ENTR1: variants seen among roughly 807,000 people sequenced by gnomAD.
ENTR1 encodes the protein endosome-associated-trafficking regulator 1.
Under a neutral mutation model 47.9 loss-of-function variants are expected in ENTR1, and 47 were observed. That is an observed-to-expected ratio of 0.98 (90% CI 0.78 to 1.25). The LOEUF (loss-of-function observed/expected upper bound fraction) is 1.25, where lower values mean the gene tolerates loss of function less well. Among genes scored for constraint, ENTR1 ranks in the 50% most tolerant of loss-of-function variants. The pLI is 0.00. For missense variants in ENTR1, 668 were observed against 570.5 expected, an observed-to-expected ratio of 1.17 and a Z score of -1.74; for synonymous variants, 290 against 245.8, an observed-to-expected ratio of 1.18 and a Z score of -1.68.
intron 7 of ENTR1, 62 bp from the exon 8 acceptor site, chr9:136,404,755 C>T (rs913873172): frequency 1.9e-6 from 3 of 1,572,970 alleles, no homozygotes; most frequent in African/African-American, 1.4e-5. Context: ...TCATACCGGA[C>T]ACGGGCCCCA....
rs1834531776 is a variant in ENTR1, at chr9:136,402,474, A to G, written c.*314T>C. ...ATGTTCTGGGATGGGACTGGAAAAC[A>G]TTGATTCCAGAACCACTCTTTTTCT... On this transcript the variant is annotated 3_prime_UTR_variant, in exon 10 of 10. Coordinates refer to ENST00000357365, the MANE Select transcript of ENTR1 (RefSeq NM_001039707.2). 4.3e-6 allele frequency: 1 copy of G among 233,432 alleles called. No homozygotes were observed. Among genetic ancestry groups the G allele is most frequent in the Non-Finnish European group, 8.3e-6 (1 of 120,640 alleles). The allele number at this position is 233,432 out of a possible 1,614,324, so 14.5% of individuals were successfully genotyped here.
chr9:136,402,887 C>G lies in ENTR1; in HGVS notation c.1209G>C (p.Lys403Asn). 6.2e-7 allele frequency: 1 copy of G among 1,610,036 alleles called. No individual in the cohort carries two copies. Among genetic ancestry groups the G allele is most frequent in the Non-Finnish European group, 8.5e-7 (1 of 1,179,022 alleles). Residue 403 changes from lysine to asparagine, a missense_variant and splice_region_variant, in exon 10 of 10, where the codon AAG becomes AAC. Transcript: ENST00000357365. ...GTGTCTCAGCTCCGGAAACCAGTTG[C>G]CTGAAAACAAGCATGGATATCAGGA... ...VVMNSAQASI[K>N]QLVSGAETLN...
At chr9:136,402,914 G>A (rs771310282) in intron 9 of ENTR1, 27 bp from the exon 10 acceptor site, 3 of 1,579,952 alleles carry the variant, frequency 1.9e-6, no homozygotes, top group Admixed American at 3.4e-5. Context: ...ATATCAGGAT[G>A]GGTGGCAGCA....
In ENTR1 at chr9:136,410,605, C is replaced by T. The variant is rs1564416339; in HGVS notation, c.-208G>A. 2.3e-6 allele frequency: 3 copies of T among 1,287,516 alleles called. No homozygotes were observed. The highest frequency in any genetic ancestry group is 2.9e-5 in the East Asian group (1 of 34,804). 79.8% of individuals were successfully genotyped at this position (1,287,516 alleles called of 1,614,324 possible). A position where few individuals can be genotyped will look rare whatever the true frequency, so the allele number is the denominator to read the frequency against. ...GTGCCTGAACGCCTTGGGCCGTCGG[C>T]GAGGGGGAGGGGAAGCCGTGGGCGG... On this transcript the variant is annotated 5_prime_UTR_variant, in exon 1 of 10. Coordinates refer to ENST00000357365, the MANE Select transcript of ENTR1 (RefSeq NM_001039707.2).
intron 2 of ENTR1, 138 bp from the exon 3 acceptor site, chr9:136,409,205 G>A (rs1386493613): frequency 1.6e-5 from 10 of 644,738 alleles, no homozygotes; most frequent in Non-Finnish European, 2.1e-5. Flanking sequence ...TTTTGAGACG[G>A]AGTCTTGCTC....
At chr9:136,408,644 T>A (rs919217599) in intron 3 of ENTR1, among the ~76,000 whole-genome samples, 16 of 152,080 alleles carry the variant, frequency 1.1e-4, no homozygotes, top group Admixed American at 3.9e-4. Context: ...CCCCTGACCC[T>A]CTTCCCGACT....
At chr9:136,408,529 G>T (rs538513269) in intron 3 of ENTR1, among the ~76,000 whole-genome samples, 2 of 152,156 alleles carry the variant, frequency 1.3e-5, no homozygotes, top group Non-Finnish European at 2.9e-5. Flanking sequence ...AGTGAGCCGA[G>T]ATCGTGCCAC....
chr9:136,402,933 G>T, intron 9 of ENTR1, 46 bp from the exon 10 acceptor site: 3 of 1,313,164 alleles, frequency 2.3e-6, no homozygotes, highest in Non-Finnish European at 2.1e-6. Context: ...CAGCTACTCA[G>T]CAGCAACAGG....
chr9:136,406,742 G>A (rs1019677887), intron 5 of ENTR1, among the ~76,000 whole-genome samples: 1 of 152,036 alleles, frequency 6.6e-6, no homozygotes, highest in Non-Finnish European at 1.5e-5. Context: ...CTCCCAAAGT[G>A]CTGAGATTAC....
At chr9:136,403,321 CG>C (rs59793209) in intron 9 of ENTR1, among the ~76,000 whole-genome samples, 2,542 of 31,224 alleles carry the variant, frequency 0.081, 121 homozygotes, top group East Asian at 0.28. Flanking sequence ...TGGGGTTTGC[CG>C]GGGGGAGAAA....
In ENTR1 at chr9:136,410,533, G is replaced by C; in HGVS notation, c.-136C>G. 9.4e-7 allele frequency: 1 copy of C among 1,063,696 alleles called. No homozygotes were observed. The highest frequency in any genetic ancestry group is 1.2e-6 in the Non-Finnish European group (1 of 847,318). 65.9% of individuals were successfully genotyped at this position (1,063,696 alleles called of 1,614,324 possible). A position where few individuals can be genotyped will look rare whatever the true frequency, so the allele number is the denominator to read the frequency against. ...TCGCCCGCCGCTCGGCCGCCCCCGC[G>C]CCTCCGAGCCTCTCGCCGCTGCTTC... On this transcript the variant is annotated 5_prime_UTR_variant, in exon 1 of 10. Transcript: ENST00000357365.
rs757549164 is a variant in ENTR1 at position 136,405,948 on chromosome 9, T to G, written c.850A>C (p.Lys284Gln). 1.1e-5 allele frequency: 17 copies of G among 1,609,742 alleles called. No homozygotes were observed. In the African/African-American group the frequency reaches 2.1e-4, roughly 20 times the overall value. Residue 284 changes from lysine to glutamine, a missense_variant, in exon 6 of 10, where the codon AAG becomes CAG. Physicochemically the swap from Lys to Gln is moderately conservative, Grantham distance 53. Coordinates refer to ENST00000357365, the MANE Select transcript of ENTR1 (RefSeq NM_001039707.2). The stretch of plus-strand genomic sequence containing the variant: ...GAGAAGCTCTGAACCTCATTCAGCT[T>G]TCTTCTCAGCTTAGAATTTTCATCT... ...LKDENSKLRR[K>Q]LNEVQSFSEA...
intron 6 of ENTR1, chr9:136,405,440 G>C (rs767727210): frequency 6.2e-5 from 31 of 503,672 alleles, no homozygotes; most frequent in Non-Finnish European, 1.0e-4. Context: ...TTTGCCTAAA[G>C]TTTAAAATAA....
intron 5 of ENTR1, 122 bp downstream of exon 5, chr9:136,407,023 G>T: frequency 3.1e-6 from 3 of 968,240 alleles, no homozygotes; most frequent in Non-Finnish European, 4.5e-6. Flanking sequence ...AGGCTGTCAC[G>T]CAAATCGCCT....
In ENTR1 at chr9:136,407,396, G is replaced by A. The variant is rs1392474686; in HGVS notation, c.568C>T (p.Pro190Ser). The part of the protein sequence containing the change: ...EDTGWSGAYL[P>S]SAIEQTHPER... ...GGGTGAGTCTGCTCGATGGCGGACG[G>A]CAGGTAGGCCCCACTCCATCCGGTG... Residue 190 changes from proline (P) to serine (S), a missense_variant, in exon 5 of 10, where the codon CCG becomes TCG. Physicochemically the swap from Pro to Ser is moderately conservative, Grantham distance 74. Coordinates refer to ENST00000357365, the MANE Select transcript of ENTR1 (RefSeq NM_001039707.2). 1 of 1,607,622 alleles carries A rather than the reference G, an allele frequency of 6.2e-7. No individual in the cohort carries two copies. The highest frequency in any genetic ancestry group is 1.1e-5 in the South Asian group (1 of 90,238).
Position 136,410,493 on chromosome 9 carries a change from C to T in ENTR1, c.-96G>A. 1 of 957,334 alleles carries T rather than the reference C, an allele frequency of 1.0e-6. No individual in the cohort carries two copies. The highest frequency in any genetic ancestry group is 1.3e-6 in the Non-Finnish European group (1 of 790,570). The allele number at this position is 957,334 out of a possible 1,614,324, so 59.3% of individuals were successfully genotyped here. A position where few individuals can be genotyped will look rare whatever the true frequency, so the allele number is the denominator to read the frequency against. The stretch of plus-strand genomic sequence containing the variant: ...TGCCGCGGCCCGCGTCGCCCGCCCC[C>T]GTCGCCCGCCCCCGTCGCCCGCCGC... On this transcript the variant is annotated 5_prime_UTR_variant, in exon 1 of 10. Coordinates refer to ENST00000357365, the MANE Select transcript of ENTR1 (RefSeq NM_001039707.2).
rs200612178 is a variant in ENTR1 at position 136,410,122 on chromosome 9, G to A, written c.188C>T (p.Pro63Leu). ...TCCCACGGAAGCCAGCACCGGGCTG[G>A]GCACATAGCACATAAAGGCCGGCCG... ...GIRPAFMCYVPSPVLASVGDT... is the reference protein window; with the variant it reads ...GIRPAFMCYVLSPVLASVGDT... The change falls in exon 2 of 10, where the codon CCC becomes CTC. Residue 63 changes from proline to leucine, a missense_variant. Pro to Leu is a moderately conservative substitution (Grantham distance 98, BLOSUM62 -3). Coordinates refer to ENST00000357365, the MANE Select transcript of ENTR1 (RefSeq NM_001039707.2). 8.1e-6 allele frequency: 13 copies of A among 1,612,840 alleles called. No individual in the cohort carries two copies. The South Asian group carries it at 1.2e-4, about 15-fold the overall frequency.
rs1017568540 is a variant in ENTR1, at chr9:136,402,199, G to C, written c.*589C>G. Reference sequence around the variant, plus strand: ...CACATCTGGACAGCTTCACAGCACGGAACGTGTGACCTTGGTCCCCGTGGG... The same window carrying C: ...CACATCTGGACAGCTTCACAGCACGCAACGTGTGACCTTGGTCCCCGTGGG... On this transcript the variant is annotated 3_prime_UTR_variant, in exon 10 of 10. Transcript: ENST00000357365. 2 of 153,084 alleles carry C rather than the reference G, an allele frequency of 1.3e-5. No individual in the cohort carries two copies. Among genetic ancestry groups the C allele is most frequent in the African/African-American group, 2.4e-5 (1 of 41,448 alleles). The allele number at this position is 153,084 out of a possible 1,614,324, so 9.5% of individuals were successfully genotyped here. A position where few individuals can be genotyped will look rare whatever the true frequency, so the allele number is the denominator to read the frequency against.
At chr9:136,406,578 G>C (rs963749576) in intron 5 of ENTR1, among the ~76,000 whole-genome samples, 1 of 152,030 alleles carries the variant, frequency 6.6e-6, no homozygotes, top group African/African-American at 2.4e-5. Context: ...CCGGGTTCAA[G>C]CGATTCTCCT....
Sources: gnomAD v4.1 joint callset for allele counts (sites outside exome capture counted in the v4.1 genomes callset) on GRCh38, gnomAD v4.1.1 for gene constraint, MANE v1.5 for transcripts, NCBI Gene and HGNC (gene_info 2026-07-23, HGNC 2026-07-21) for gene names.